Variants in NADK observed in about 807,000 individuals in gnomAD.
The protein encoded by NADK is poly(P)/ATP NAD kinase.
Under a neutral mutation model 49.8 loss-of-function variants are expected in NADK, and 22 were observed. That is an observed-to-expected ratio of 0.44 (90% CI 0.32 to 0.63). NADK has a LOEUF of 0.63. Ranked by LOEUF, NADK falls within the 30% of genes least tolerant of loss-of-function variation. The pLI is 0.06. For missense variants in NADK, 438 were observed against 609.4 expected (o/e 0.72, Z 2.96); for synonymous variants, 268 against 253.7 (o/e 1.06, Z -0.54).
At chr1:1,763,926 A>C (rs2100335805) in intron 2 of NADK, among the ~76,000 whole-genome samples, 1 of 152,286 alleles carries the variant, frequency 6.6e-6, no homozygotes, top group East Asian at 1.9e-4. Flanking sequence ...TAAAACCCCA[A>C]AGCAATTCTG....
intron 3 of NADK, among the ~76,000 whole-genome samples, chr1:1,760,169 T>A (rs1158886567): frequency 2.0e-5 from 3 of 152,118 alleles, no homozygotes. Context: ...AGTGACAGAA[T>A]CTGCAGATGG....
intron 1 of NADK, among the ~76,000 whole-genome samples, chr1:1,770,892 T>G (rs969302775): frequency 6.6e-6 from 1 of 150,912 alleles, no homozygotes; most frequent in Non-Finnish European, 1.5e-5. Flanking sequence ...CTACTAAATA[T>G]AAAAAATTAG....
chr1:1,760,799 C>T (rs1188736643), intron 3 of NADK, among the ~76,000 whole-genome samples: 1 of 152,064 alleles, frequency 6.6e-6, no homozygotes. Context: ...GGATGTCTAC[C>T]AGGTGCAGAA....
intron 1 of NADK, among the ~76,000 whole-genome samples, chr1:1,765,894 G>C (rs946974581): frequency 5.9e-5 from 9 of 152,082 alleles, no homozygotes; most frequent in African/African-American, 2.2e-4. Flanking sequence ...TGGGTGACTA[G>C]AGTGAAACTT....
At position 1,753,423 on chromosome 1, in the gene NADK, G is replaced by A. The variant is rs1349045709; in HGVS notation, c.1184+144C>T. 59 of 675,646 alleles carry A rather than the reference G, an allele frequency of 8.7e-5. No individual in the cohort carries two copies. The South Asian group carries it at 1.2e-3, about 13-fold the overall frequency. The allele number at this position is 675,646 out of a possible 1,614,324, so 41.9% of individuals were successfully genotyped here. A position where few individuals can be genotyped will look rare whatever the true frequency, so the allele number is the denominator to read the frequency against. ...TGCCCCCAGGACGGGTGCCCCGACT[G>A]TGATGCTGCAAGACCCAGGGACTCA... On this transcript the variant is annotated intron_variant, in intron 11 of 11. Coordinates refer to ENST00000341426, the MANE Select transcript of NADK (RefSeq NM_023018.5).
At chr1:1,759,356 A>G in intron 3 of NADK, 1 of 1,363,728 alleles carries the variant, frequency 7.3e-7, no homozygotes, top group Admixed American at 2.7e-5. Flanking sequence ...TACTGCACGG[A>G]GAGGGCAGGG....
In NADK at chr1:1,756,336, A is replaced by G. The variant is rs1482161253; in HGVS notation, c.507T>C (p.Asp169=). ...TGAAGTCTATCTGATTGGAAATGTCATCATAATCTAGGAAACACAAAGCAA... is the reference window on the plus strand; with the variant it reads ...TGAAGTCTATCTGATTGGAAATGTCGTCATAATCTAGGAAACACAAAGCAA... ...KKFCTFREDY[D]DISNQIDFII... Residue 169 remains aspartate (D), a synonymous_variant, in exon 6 of 12, where the codon GAT becomes GAC. Coordinates refer to ENST00000341426, the MANE Select transcript of NADK (RefSeq NM_023018.5). 1 of 1,613,910 alleles carries G rather than the reference A, an allele frequency of 6.2e-7. No homozygotes were observed. Among genetic ancestry groups the G allele is most frequent in the Non-Finnish European group, 8.5e-7 (1 of 1,179,958 alleles).
chr1:1,764,801 T>C (rs1247810743), intron 2 of NADK, among the ~76,000 whole-genome samples: 1 of 152,160 alleles, frequency 6.6e-6, no homozygotes, highest in Non-Finnish European at 1.5e-5. Flanking sequence ...CTTGGGAGGA[T>C]GAGGCAGGAG....
chr1:1,761,798 C>T (rs970905968), intron 3 of NADK, 154 bp downstream of exon 3: 49 of 663,350 alleles, frequency 7.4e-5, no homozygotes, highest in Admixed American at 2.7e-5. Context: ...ATGTACTTCT[C>T]ACATGAAGTG....
intron 1 of NADK, among the ~76,000 whole-genome samples, chr1:1,772,321 C>T (rs1329482863): frequency 6.6e-6 from 1 of 152,044 alleles, no homozygotes. Flanking sequence ...CACCACCATG[C>T]CTGACTAATT....
At chr1:1,773,153 T>TC (rs1427299668) in intron 1 of NADK, among the ~76,000 whole-genome samples, 1 of 151,646 alleles carries the variant, frequency 6.6e-6, no homozygotes, top group African/African-American at 2.4e-5. Context: ...ATTTTTTTTT[T>TC]CCCCAGACGA....
chr1:1,767,789 T>A (rs573373896), intron 1 of NADK, among the ~76,000 whole-genome samples: 12 of 152,276 alleles, frequency 7.9e-5, no homozygotes, highest in African/African-American at 2.6e-4. Context: ...GCTTGGACTA[T>A]AGGTGTGAGC....
chr1:1,754,527 G>T lies in NADK; in HGVS notation c.843+17C>A. 2 of 1,603,404 alleles carry T rather than the reference G, an allele frequency of 1.2e-6. No homozygotes were observed. The highest frequency in any genetic ancestry group is 1.7e-6 in the Non-Finnish European group (2 of 1,174,342). The stretch of plus-strand genomic sequence containing the variant: ...CCACCCTGGGCCCCTCACCGAGGCC[G>T]AGGCGCCTCCACTCACCTGGTACTG... On this transcript the variant is annotated intron_variant, in intron 8 of 11. Transcript: ENST00000341426. The surrounding 1 kb of genome is among the most constrained non-coding windows in gnomAD (Gnocchi z 4.3).
At chr1:1,769,410 G>A (rs928385229) in intron 1 of NADK, among the ~76,000 whole-genome samples, 8 of 152,144 alleles carry the variant, frequency 5.3e-5, no homozygotes, top group African/African-American at 1.9e-4. Flanking sequence ...AATTAGCCGG[G>A]CGTGGTGGTG....
intron 1 of NADK, among the ~76,000 whole-genome samples, chr1:1,769,046 T>G (rs1645968134): frequency 1.3e-5 from 2 of 152,226 alleles, no homozygotes; most frequent in Non-Finnish European, 2.9e-5. Flanking sequence ...ACCGGCACTT[T>G]AAAAGAGCTC....
chr1:1,757,292 C>G lies in NADK; in HGVS notation c.282G>C (p.Ala94=). Residue 94 remains alanine (A), a synonymous_variant, in exon 4 of 12, where the codon GCG becomes GCC. Coordinates refer to ENST00000341426, the MANE Select transcript of NADK (RefSeq NM_023018.5). ...PQTIMHIQDP[A]SQRLTWNKSP... is the part of the protein sequence containing the mutation. ...ACTTGTTCCACGTCAGCCGCTGGCT[C>G]GCGGGGTCCTGAATGTGCCTTTAGG... 6.2e-7 allele frequency: 1 copy of G among 1,613,722 alleles called. No homozygotes were observed.
rs111431482 is a variant in NADK, at chr1:1,770,123, C to T, written c.-40-4677G>A. On this transcript the variant is annotated intron_variant, in intron 1 of 11. Coordinates refer to ENST00000341426, the MANE Select transcript of NADK (RefSeq NM_023018.5). ...CTATGAGGTGGAGGGTGCAGTGAGCCGAGATCGCACCACTCACTCCAGCCT... is the reference window on the plus strand; with the variant it reads ...CTATGAGGTGGAGGGTGCAGTGAGCTGAGATCGCACCACTCACTCCAGCCT... Among the ~76,000 whole-genome samples, 6 of 151,422 alleles carry T rather than the reference C, an allele frequency of 4.0e-5. No homozygotes were observed. In the East Asian group the frequency reaches 1.2e-3, roughly 29 times the overall value.
At chr1:1,772,559 G>T (rs1311803162) in intron 1 of NADK, among the ~76,000 whole-genome samples, 4 of 151,908 alleles carry the variant, frequency 2.6e-5, no homozygotes, top group African/African-American at 9.7e-5. Flanking sequence ...GATCGCTTGA[G>T]TCCAGGAGTT....
intron 6 of NADK, 23 bp downstream of exon 6, chr1:1,756,235 G>A (rs746630986): frequency 6.2e-7 from 1 of 1,606,330 alleles, no homozygotes; most frequent in South Asian, 1.1e-5. Context: ...CCTGGTGTGG[G>A]TCTGGAAATG....
Sources: gnomAD v4.1 joint callset for allele counts (sites outside exome capture counted in the v4.1 genomes callset) on GRCh38, gnomAD v4.1.1 for gene constraint, Gnocchi (gnomAD v3.1) non-coding constraint, MANE v1.5 for transcripts, NCBI Gene and HGNC (gene_info 2026-07-23, HGNC 2026-07-21) for gene names.